SIDT1: variants seen among roughly 807,000 people sequenced by gnomAD.
SIDT1 encodes SID1 transmembrane family member 1.
A neutral mutation model predicts 107.5 loss-of-function variants in SIDT1; 101 were observed. That is an observed-to-expected ratio of 0.94 (90% CI 0.80 to 1.11). SIDT1 has a LOEUF of 1.11. Ranked by LOEUF, SIDT1 falls within the 50% of genes least tolerant of loss-of-function variation. The pLI, the probability that SIDT1 is intolerant of heterozygous loss-of-function variation, is 0.00. For synonymous variants in SIDT1, 395 were observed against 398.2 expected (o/e 0.99, Z 0.10); for missense variants, 1,076 against 1,058.2 (o/e 1.02, Z -0.23).
At chr3:113,631,580 G>C (rs891371737), downstream of SIDT1, among the ~76,000 whole-genome samples, 1 of 152,116 alleles carries the variant, frequency 6.6e-6, no homozygotes. Flanking sequence ...TCCTCAATAC[G>C]AAGGCACCTT....
the SIDT1 span, among the ~76,000 whole-genome samples, chr3:113,635,467 G>A: frequency 2.0e-5 from 3 of 152,216 alleles, no homozygotes; most frequent in Non-Finnish European, 4.4e-5. Flanking sequence ...AGCTCCCTCA[G>A]TGGTCAAACC....
At chr3:113,625,754 T>C (rs1376737611) in intron 23 of SIDT1, among the ~76,000 whole-genome samples, 1 of 152,198 alleles carries the variant, frequency 6.6e-6, no homozygotes, top group Admixed American at 6.5e-5. Flanking sequence ...TTTTTTTCCC[T>C]TACAGTTCTT....
intron 10 of SIDT1, among the ~76,000 whole-genome samples, chr3:113,595,573 T>C (rs1332422036): frequency 6.7e-6 from 1 of 148,952 alleles, no homozygotes; most frequent in East Asian, 2.1e-4. Flanking sequence ...AGCAAGACCG[T>C]GTCTCAAAAA....
chr3:113,566,385 C>T (rs996441378), intron 1 of SIDT1, 35 bp from the exon 2 acceptor site: 19 of 1,601,546 alleles, frequency 1.2e-5, no homozygotes, highest in South Asian at 2.2e-5. Context: ...TGCATGTGCA[C>T]GTTTTGCATT....
intron 1 of SIDT1, among the ~76,000 whole-genome samples, chr3:113,560,389 A>T (rs1941317883): frequency 6.6e-6 from 1 of 152,202 alleles, no homozygotes; most frequent in Non-Finnish European, 1.5e-5. Flanking sequence ...TTCTGACTAG[A>T]TTGCGAGCCT....
In SIDT1 at chr3:113,589,999, A is replaced by C. The variant is rs557747183; in HGVS notation, c.1002-3006A>C. 5.9e-5 allele frequency: 9 copies of C among 152,822 alleles called. No homozygotes were observed. The South Asian group carries it at 1.7e-3, about 28-fold the overall frequency. 9.5% of individuals were successfully genotyped at this position (152,822 alleles called of 1,614,324 possible). A position where few individuals can be genotyped will look rare whatever the true frequency, so the allele number is the denominator to read the frequency against. The stretch of plus-strand genomic sequence containing the variant: ...TTTTACAGGGAAGAAATATACAAGC[A>C]AGTAAGCAATTAATAAAGAAAATCA... On this transcript the variant is annotated intron_variant, in intron 9 of 24. Transcript: ENST00000264852.
At chr3:113,622,229 C>T (rs957449996) in intron 21 of SIDT1, among the ~76,000 whole-genome samples, 1 of 151,964 alleles carries the variant, frequency 6.6e-6, no homozygotes, top group Non-Finnish European at 1.5e-5. Flanking sequence ...CTTTGGGAGG[C>T]CGAGGCAGGT....
chr3:113,611,029 T>TC lies in SIDT1; in HGVS notation c.1743dup (p.Ala582ArgfsTer44), dbSNP rs745645903. 1 of 1,614,082 alleles carries TC rather than the reference T, an allele frequency of 6.2e-7. No homozygotes were observed. Among genetic ancestry groups the TC allele is most frequent in the Non-Finnish European group, 8.5e-7 (1 of 1,179,982 alleles). On this transcript the variant is annotated frameshift_variant, in exon 18 of 25. Coordinates refer to ENST00000264852, the MANE Select transcript of SIDT1 (RefSeq NM_017699.3). LOFTEE classifies it high-confidence loss of function. ...TCAGACACCTCCTTCATGTACATGA[T>TC]CGCTGGCCTGTGCATGCTGAAGCTC...
chr3:113,599,554 A>G (rs1015678618), intron 10 of SIDT1, among the ~76,000 whole-genome samples: 3 of 152,268 alleles, frequency 2.0e-5, no homozygotes, highest in African/African-American at 7.2e-5. Flanking sequence ...GCCTTTAAGC[A>G]GGATATGCTG....
chr3:113,625,152 G>T (rs919550178), intron 23 of SIDT1, among the ~76,000 whole-genome samples: 1 of 149,820 alleles, frequency 6.7e-6, no homozygotes, highest in African/African-American at 2.5e-5. Flanking sequence ...TTGGGGGGGC[G>T]GGGGGACGGG....
chr3:113,580,766 A>C, intron 5 of SIDT1, 57 bp downstream of exon 5: 1 of 1,124,702 alleles, frequency 8.9e-7, no homozygotes, highest in Admixed American at 1.7e-5. Flanking sequence ...ATTCCAGAAC[A>C]AATGAAAGAG....
intron 1 of SIDT1, among the ~76,000 whole-genome samples, chr3:113,539,067 G>A (rs2107580016): frequency 6.6e-6 from 1 of 151,988 alleles, no homozygotes; most frequent in Non-Finnish European, 1.5e-5. Context: ...TTCACCTTGT[G>A]GGCTATTTGG....
chr3:113,622,231 G>A (rs568535582), intron 21 of SIDT1, among the ~76,000 whole-genome samples: 6 of 152,066 alleles, frequency 3.9e-5, no homozygotes, highest in Middle Eastern at 3.4e-3. Context: ...TTGGGAGGCC[G>A]AGGCAGGTGG....
intron 17 of SIDT1, among the ~76,000 whole-genome samples, 180 bp from the exon 18 acceptor site, chr3:113,610,828 G>A (rs779114163): frequency 5.9e-5 from 9 of 152,040 alleles, no homozygotes; most frequent in African/African-American, 2.4e-5. Context: ...GAGTACGTGC[G>A]GTCTCCTAGA....
intron 1 of SIDT1, among the ~76,000 whole-genome samples, chr3:113,546,425 G>A (rs1357116441): frequency 6.6e-6 from 1 of 152,006 alleles, no homozygotes; most frequent in Non-Finnish European, 1.5e-5. Context: ...CTTCTTGAAA[G>A]TGATTTTATT....
the SIDT1 span, among the ~76,000 whole-genome samples, chr3:113,635,285 C>T: frequency 6.6e-6 from 1 of 152,142 alleles, no homozygotes; most frequent in Non-Finnish European, 1.5e-5. Flanking sequence ...CACCAGAGGC[C>T]AGGAGTTTGA....
Position 113,623,543 on chromosome 3 carries a change from G to A in SIDT1, c.2196+11G>A. 1.2e-6 allele frequency: 2 copies of A among 1,610,000 alleles called. No individual in the cohort carries two copies. Among genetic ancestry groups the A allele is most frequent in the East Asian group, 2.2e-5 (1 of 44,848 alleles). ...TACATCATCATGAAGGTAAGAGCGG[G>A]TGCCGGGAGCGGCTACCTCGGGCCC... On this transcript the variant is annotated intron_variant, in intron 22 of 24. Coordinates refer to ENST00000264852, the MANE Select transcript of SIDT1 (RefSeq NM_017699.3).
chr3:113,592,292 CA>C (rs2107597166), intron 9 of SIDT1, among the ~76,000 whole-genome samples: 1 of 152,082 alleles, frequency 6.6e-6, no homozygotes, highest in East Asian at 1.9e-4. Context: ...TTTTTGAAGG[CA>C]AAAATCACAA....
At chr3:113,548,739 G>A (rs1047205030) in intron 1 of SIDT1, among the ~76,000 whole-genome samples, 1 of 151,974 alleles carries the variant, frequency 6.6e-6, no homozygotes, top group Non-Finnish European at 1.5e-5. Context: ...TATCTTCCTG[G>A]CCACTTCTCC....
Sources: gnomAD v4.1 joint callset for allele counts (sites outside exome capture counted in the v4.1 genomes callset) on GRCh38, gnomAD v4.1.1 for gene constraint, MANE v1.5 for transcripts, NCBI Gene and HGNC (gene_info 2026-07-23, HGNC 2026-07-21) for gene names.